PLXNA2: variants seen among roughly 807,000 people sequenced by gnomAD.
PLXNA2 encodes the protein plexin-A2.
A neutral mutation model predicts 193.5 loss-of-function variants in PLXNA2; 91 were observed. That is an observed-to-expected ratio of 0.47 (90% CI 0.40 to 0.56). The LOEUF (loss-of-function observed/expected upper bound fraction) is 0.56. Among genes scored for constraint, PLXNA2 ranks in the 20% least tolerant of loss-of-function variants. The pLI is 0.00. For missense variants in PLXNA2, 1,995 were observed against 2,503.2 expected (o/e 0.80, Z 4.33); for synonymous variants, 997 against 1,027.3 (o/e 0.97, Z 0.56).
At position 208,096,139 on chromosome 1, in the gene PLXNA2, C is replaced by T; in HGVS notation, c.1886-14G>A. ...GCCCAAACCAGTCTGGAAAAACAAA[C>T]AAAAAAGGATGGGGTTGGGTAACAA... On this transcript the variant is annotated splice_polypyrimidine_tract_variant and intron_variant, in intron 7 of 31. Transcript: ENST00000367033. The T allele has an allele frequency of 1.2e-6, 2 of 1,604,754 alleles. No homozygotes were observed. The highest frequency in any genetic ancestry group is 2.2e-5 in the South Asian group (2 of 90,566).
chr1:208,169,461 C>T (rs1669423233), intron 3 of PLXNA2, among the ~76,000 whole-genome samples: 1 of 152,170 alleles, frequency 6.6e-6, no homozygotes, highest in African/African-American at 2.4e-5. Flanking sequence ...GGGACCTAGC[C>T]CCAGGGCAAA....
intron 12 of PLXNA2, among the ~76,000 whole-genome samples, chr1:208,068,263 C>A (rs1415548647): frequency 6.6e-6 from 1 of 152,186 alleles, no homozygotes; most frequent in Non-Finnish European, 1.5e-5. Context: ...AGACTGTATT[C>A]TTTAATGATG....
chr1:208,063,072 T>A (rs1329590472), intron 12 of PLXNA2, among the ~76,000 whole-genome samples: 1 of 152,216 alleles, frequency 6.6e-6, no homozygotes, highest in East Asian at 1.9e-4. Flanking sequence ...CCTAGCCACC[T>A]GGATGGCATG....
At chr1:208,090,434 C>T (rs1331629800) in intron 9 of PLXNA2, among the ~76,000 whole-genome samples, 2 of 152,120 alleles carry the variant, frequency 1.3e-5, no homozygotes, top group Non-Finnish European at 2.9e-5. Context: ...CTTCTCTTGG[C>T]CCAGCTCCGG....
intron 3 of PLXNA2, among the ~76,000 whole-genome samples, chr1:208,169,193 G>C (rs1440380929): frequency 6.6e-6 from 1 of 152,170 alleles, no homozygotes; most frequent in East Asian, 1.9e-4. Context: ...GAGAGCTCAA[G>C]GGAAAAAGAG....
At chr1:208,153,962 G>A (rs1183668784) in intron 3 of PLXNA2, among the ~76,000 whole-genome samples, 3 of 133,502 alleles carry the variant, frequency 2.2e-5, no homozygotes, top group African/African-American at 8.4e-5. Flanking sequence ...GCTGCTTCAT[G>A]AAAACAGGCC....
chr1:208,135,547 GA>G (rs1052443862), intron 4 of PLXNA2, among the ~76,000 whole-genome samples: 6 of 152,180 alleles, frequency 3.9e-5, no homozygotes, highest in Admixed American at 3.9e-4. Context: ...GCATTTGATA[GA>G]CCTCAGGTAG....
chr1:208,173,252 G>C (rs1007564847), intron 3 of PLXNA2, among the ~76,000 whole-genome samples: 1 of 152,134 alleles, frequency 6.6e-6, no homozygotes, highest in Non-Finnish European at 1.5e-5. Flanking sequence ...CTAGTATTAC[G>C]GCCACTAGTA....
chr1:208,036,847 C>T (rs1267536923), intron 26 of PLXNA2, among the ~76,000 whole-genome samples: 3 of 152,144 alleles, frequency 2.0e-5, no homozygotes, highest in Admixed American at 6.5e-5. Context: ...GATTGGGAGC[C>T]GTAGGCTGGA....
chr1:208,187,154 T>C (rs1670035664), intron 3 of PLXNA2, among the ~76,000 whole-genome samples: 1 of 152,196 alleles, frequency 6.6e-6, no homozygotes, highest in African/African-American at 2.4e-5. Context: ...TGGACAAATA[T>C]CTTAGCTCCT....
At chr1:208,045,844 CCTGGTGGCA>C in intron 18 of PLXNA2, 25 bp downstream of exon 18, 1 of 1,610,696 alleles carries the variant, frequency 6.2e-7, no homozygotes, top group African/African-American at 1.3e-5. Flanking sequence ...CATTGCTGCC[CCTGGTGGCA>C]CTGCCCTCTG....
Position 208,233,502 on chromosome 1 carries a change from G to T in PLXNA2, c.-81+10141C>A, listed in dbSNP as rs146422441. ...ATTTGGCCAAGGAAGCTGGGGGCCCGCAGTGGAAGTCAATCGGGTGGCCTA... is the reference window on the plus strand; with the variant it reads ...ATTTGGCCAAGGAAGCTGGGGGCCCTCAGTGGAAGTCAATCGGGTGGCCTA... On this transcript the variant is annotated intron_variant, in intron 1 of 31. Transcript: ENST00000367033. Among the ~76,000 whole-genome samples the T allele has an allele frequency of 6.5e-3, 991 of 152,316 alleles. 10 individuals are homozygous for T. Among genetic ancestry groups the T allele is most frequent in the African/African-American group, 0.023 (949 of 41,580 alleles).
intron 2 of PLXNA2, among the ~76,000 whole-genome samples, chr1:208,215,265 G>A (rs1671088912): frequency 6.6e-6 from 1 of 152,142 alleles, no homozygotes; most frequent in South Asian, 2.1e-4. Context: ...CAAAGTGCTG[G>A]GAGTACAGGT....
At chr1:208,174,910 G>GA (rs1669615538) in intron 3 of PLXNA2, among the ~76,000 whole-genome samples, 1 of 152,156 alleles carries the variant, frequency 6.6e-6, no homozygotes, top group African/African-American at 2.4e-5. Context: ...AATGCCTCTG[G>GA]AATGCAAGGG....
At chr1:208,074,615 A>G (rs1666086832) in intron 12 of PLXNA2, among the ~76,000 whole-genome samples, 1 of 152,232 alleles carries the variant, frequency 6.6e-6, no homozygotes, top group African/African-American at 2.4e-5. Context: ...GGGTTAAGGA[A>G]TAACACAGCT....
chr1:208,171,899 T>C (rs1168265409), intron 3 of PLXNA2, among the ~76,000 whole-genome samples: 1 of 151,496 alleles, frequency 6.6e-6, no homozygotes, highest in Non-Finnish European at 1.5e-5. Context: ...CTTACCCTAA[T>C]AGGATTATGT....
intron 1 of PLXNA2, among the ~76,000 whole-genome samples, chr1:208,224,671 G>A (rs1269431697): frequency 2.6e-5 from 4 of 152,078 alleles, no homozygotes; most frequent in African/African-American, 4.8e-5. Flanking sequence ...TATGTGAAGC[G>A]AAGTGGCTAT....
rs569114028 is a variant in PLXNA2 at position 208,106,789 on chromosome 1, G to A, written c.1507-3542C>T. On this transcript the variant is annotated intron_variant, in intron 4 of 31. Transcript: ENST00000367033. ...AGTTAAAATTACACATGTAGTTCAT[G>A]CTTGTGGCTCATATTTTATTTCTAT... 1.7e-3 allele frequency among the ~76,000 whole-genome samples: 262 copies of A among 152,308 alleles called. 2 individuals are homozygous for A. Among genetic ancestry groups the A allele is most frequent in the Non-Finnish European group, 1.9e-3 (129 of 68,030 alleles).
At chr1:208,213,562 T>G (rs1671031253) in intron 2 of PLXNA2, among the ~76,000 whole-genome samples, 3 of 152,248 alleles carry the variant, frequency 2.0e-5, no homozygotes, top group African/African-American at 7.2e-5. Flanking sequence ...CTAGCTGCTA[T>G]TCAATGAGTG....
Sources: gnomAD v4.1 joint callset for allele counts (sites outside exome capture counted in the v4.1 genomes callset) on GRCh38, gnomAD v4.1.1 for gene constraint, MANE v1.5 for transcripts, NCBI Gene and HGNC (gene_info 2026-07-23, HGNC 2026-07-21) for gene names.